WDR31: variants seen among roughly 807,000 people sequenced by gnomAD.
The protein encoded by WDR31 is WD repeat domain 31.
A neutral mutation model predicts 47.3 loss-of-function variants in WDR31; 30 were observed. That is an observed-to-expected ratio of 0.63 (90% CI 0.47 to 0.86). WDR31 has a LOEUF of 0.86. Among genes scored for constraint, WDR31 ranks in the 40% least tolerant of loss-of-function variants. The pLI, the probability that WDR31 is intolerant of heterozygous loss-of-function variation, is 0.00. For missense variants in WDR31, 406 were observed against 442.9 expected (o/e 0.92, Z 0.75); for synonymous variants, 137 against 159.4 (o/e 0.86, Z 1.06).
At chr9:113,333,990 C>G (rs922917295) in intron 2 of WDR31, among the ~76,000 whole-genome samples, 1 of 151,252 alleles carries the variant, frequency 6.6e-6, no homozygotes, top group African/African-American at 2.4e-5. Flanking sequence ...CTTCTTCTTT[C>G]TTTCTTTTTC....
chr9:113,328,960 A>G lies in WDR31; in HGVS notation c.250-5T>C, dbSNP rs373738873. On this transcript the variant is annotated splice_polypyrimidine_tract_variant and splice_region_variant and intron_variant, in intron 4 of 10. Coordinates refer to ENST00000374193, the MANE Select transcript of WDR31 (RefSeq NM_001012361.4). The stretch of plus-strand genomic sequence containing the variant: ...CCAATTATAGGCCACAACTGTCTGA[A>G]GAGAGTGAAGATTGTAGTTTCATTA... 37 of 1,612,518 alleles carry G rather than the reference A, an allele frequency of 2.3e-5. No homozygotes were observed. Among genetic ancestry groups the G allele is most frequent in the Non-Finnish European group, 2.5e-5 (30 of 1,178,672 alleles).
At chr9:113,326,055 G>A (rs1178007201) in intron 5 of WDR31, among the ~76,000 whole-genome samples, 2 of 152,134 alleles carry the variant, frequency 1.3e-5, no homozygotes, top group Non-Finnish European at 2.9e-5. Flanking sequence ...GGGTTTACAG[G>A]CATGCGCCAC....
chr9:113,329,003 T>A, intron 4 of WDR31, 48 bp from the exon 5 acceptor site: 1 of 1,512,078 alleles, frequency 6.6e-7, no homozygotes, highest in Non-Finnish European at 9.2e-7. Context: ...CTTGTTAAAG[T>A]GACACTAGCC....
At chr9:113,328,393 G>T (rs1043374041) in intron 5 of WDR31, among the ~76,000 whole-genome samples, 1 of 152,166 alleles carries the variant, frequency 6.6e-6, no homozygotes, top group African/African-American at 2.4e-5. Flanking sequence ...TCAGAGCGGG[G>T]AATTATATAA....
chr9:113,339,672 C>T (rs537198081), intron 1 of WDR31, among the ~76,000 whole-genome samples: 25 of 152,270 alleles, frequency 1.6e-4, no homozygotes, highest in African/African-American at 5.5e-4. Flanking sequence ...TCCTTTCTGT[C>T]GCTTCAGATG....
intron 8 of WDR31, 187 bp downstream of exon 8, chr9:113,321,324 C>T (rs1833321505): frequency 1.5e-5 from 9 of 599,516 alleles, no homozygotes; most frequent in South Asian, 1.1e-4. Context: ...TCTCATGACA[C>T]ACAACCTCTA....
Position 113,320,302 on chromosome 9 carries a change from A to G in WDR31, c.780+55T>C, listed in dbSNP as rs552291919. ...AGCACAGCTACAGGCATGAGGCCAG[A>G]GTAAGTGATCTGTTCATCAGCAACC... On this transcript the variant is annotated intron_variant, in intron 9 of 10. Coordinates refer to ENST00000374193, the MANE Select transcript of WDR31 (RefSeq NM_001012361.4). The G allele has an allele frequency of 5.3e-5, 85 of 1,598,814 alleles. No homozygotes were observed. In the African/African-American group the frequency reaches 7.4e-4, roughly 14 times the overall value.
At position 113,318,480 on chromosome 9, in the gene WDR31, G is replaced by C; in HGVS notation, c.938C>G (p.Thr313Ser). The C allele has an allele frequency of 6.2e-7, 1 of 1,614,206 alleles. No individual in the cohort carries two copies. The highest frequency in any genetic ancestry group is 1.6e-4 in the Middle Eastern group (1 of 6,062). ...DCKVKIWNQD[T>S]GACLFTLSLD... Reference sequence around the variant, plus strand: ...ACTAACAGCAGGCTGCTTACCTCCAGTATCTTGGTTCCAAATCTTCACCTT... The same window carrying C: ...ACTAACAGCAGGCTGCTTACCTCCACTATCTTGGTTCCAAATCTTCACCTT... The change falls in exon 10 of 11, where the codon ACT (threonine) becomes AGT (serine). Residue 313 changes from threonine to serine, a missense_variant. Transcript: ENST00000374193.
Position 113,314,346 on chromosome 9 carries a change from C to A in WDR31, c.*2403G>T, listed in dbSNP as rs1352821140. Reference sequence around the variant, plus strand: ...TCTCCTGCCTCAGCCTCCTGAGTAGCTGGGACTACAGGCGGGCACCACCAC... The same window carrying A: ...TCTCCTGCCTCAGCCTCCTGAGTAGATGGGACTACAGGCGGGCACCACCAC... On this transcript the variant is annotated 3_prime_UTR_variant, in exon 11 of 11. Coordinates refer to ENST00000374193, the MANE Select transcript of WDR31 (RefSeq NM_001012361.4). 6.7e-6 allele frequency: 1 copy of A among 150,144 alleles called. No homozygotes were observed. Among genetic ancestry groups the A allele is most frequent in the Non-Finnish European group, 1.5e-5 (1 of 67,662 alleles). 9.3% of individuals were successfully genotyped at this position (150,144 alleles called of 1,614,324 possible).
rs1220673799 is a variant in WDR31, at chr9:113,315,748, A to T, written c.*1001T>A. ...GTGGCACAATCTCAGCTCACTGCAAACTCTGCCTCCCAGGTTCAAGTGATT... is the reference window on the plus strand; with the variant it reads ...GTGGCACAATCTCAGCTCACTGCAATCTCTGCCTCCCAGGTTCAAGTGATT... On this transcript the variant is annotated 3_prime_UTR_variant, in exon 11 of 11. Coordinates refer to ENST00000374193, the MANE Select transcript of WDR31 (RefSeq NM_001012361.4). 1 of 150,880 alleles carries T rather than the reference A, an allele frequency of 6.6e-6. No individual in the cohort carries two copies. The highest frequency in any genetic ancestry group is 2.0e-4 in the East Asian group (1 of 5,124). 9.3% of individuals were successfully genotyped at this position (150,880 alleles called of 1,614,324 possible). A position where few individuals can be genotyped will look rare whatever the true frequency, so the allele number is the denominator to read the frequency against.
chr9:113,337,464 AT>A (rs151093541), intron 1 of WDR31, among the ~76,000 whole-genome samples: 38,505 of 135,418 alleles, frequency 0.28, 5,576 homozygotes, highest in Non-Finnish European at 0.35. Context: ...AGCATTTTGG[AT>A]TTTTTTTTTT....
intron 3 of WDR31, among the ~76,000 whole-genome samples, chr9:113,331,686 A>C (rs962222095): frequency 2.0e-5 from 3 of 152,186 alleles, no homozygotes; most frequent in African/African-American, 7.2e-5. Flanking sequence ...AGCTCAAGCA[A>C]TCTGTCCCCC....
chr9:113,333,333 G>A (rs1281613973), intron 2 of WDR31, among the ~76,000 whole-genome samples: 1 of 149,384 alleles, frequency 6.7e-6, no homozygotes, highest in Non-Finnish European at 1.5e-5. Context: ...AAAAGCCTCA[G>A]TTATTCTAAA....
chr9:113,334,703 CTTTTTTT>C (rs71367719), intron 2 of WDR31, among the ~76,000 whole-genome samples: 1 of 63,010 alleles, frequency 1.6e-5, no homozygotes, highest in Non-Finnish European at 2.7e-5. Flanking sequence ...CTACATCAGG[CTTTTTTT>C]TTTTTTTTTT....
chr9:113,319,890 A>G (rs1328582131), intron 9 of WDR31, among the ~76,000 whole-genome samples: 3 of 152,156 alleles, frequency 2.0e-5, no homozygotes, highest in Non-Finnish European at 4.4e-5. Context: ...CTTGACTCTC[A>G]TCCCATTCCT....
chr9:113,331,201 G>A (rs1036743512), intron 3 of WDR31, 85 bp from the exon 4 acceptor site: 2 of 1,143,330 alleles, frequency 1.7e-6, no homozygotes, highest in South Asian at 2.1e-5. Context: ...AAGAATGTGG[G>A]TTAAGAAGGC....
At chr9:113,334,535 T>A (rs986480211) in intron 2 of WDR31, among the ~76,000 whole-genome samples, 2 of 151,734 alleles carry the variant, frequency 1.3e-5, no homozygotes, top group Non-Finnish European at 2.9e-5. Flanking sequence ...TTAATTAATT[T>A]ACTTATTTAT....
chr9:113,316,619 A>T lies in WDR31; in HGVS notation c.*130T>A, dbSNP rs770999215. The T allele has an allele frequency of 5.7e-4, 651 of 1,133,832 alleles. 2 individuals are homozygous for T. The highest frequency in any genetic ancestry group is 9.2e-4 in the Admixed American group (38 of 41,288). 70.2% of individuals were successfully genotyped at this position (1,133,832 alleles called of 1,614,324 possible). Reference sequence around the variant, plus strand: ...ATTATTGGACTTACAACACTGATACATCTTGTAAATGAACCTAAGCAAAGA... The same window carrying T: ...ATTATTGGACTTACAACACTGATACTTCTTGTAAATGAACCTAAGCAAAGA... On this transcript the variant is annotated 3_prime_UTR_variant, in exon 11 of 11. Coordinates refer to ENST00000374193, the MANE Select transcript of WDR31 (RefSeq NM_001012361.4).
intron 5 of WDR31, among the ~76,000 whole-genome samples, chr9:113,328,405 T>C (rs747318364): frequency 2.6e-5 from 4 of 152,230 alleles, no homozygotes; most frequent in Non-Finnish European, 4.4e-5. Flanking sequence ...ATTATATAAA[T>C]TGGCATTCTC....
Sources: gnomAD v4.1 joint callset for allele counts (sites outside exome capture counted in the v4.1 genomes callset) on GRCh38, gnomAD v4.1.1 for gene constraint, MANE v1.5 for transcripts, NCBI Gene and HGNC (gene_info 2026-07-23, HGNC 2026-07-21) for gene names.